EXOC6B: variants seen among roughly 807,000 people sequenced by gnomAD.
EXOC6B encodes exocyst complex component 6B.
In EXOC6B, 54 loss-of-function variants were observed where a neutral mutation model predicts 113.5. The observed-to-expected ratio is 0.48, with a 90% CI of 0.38 to 0.60. The LOEUF is 0.60. Among genes scored for constraint, EXOC6B ranks in the 20% least tolerant of loss-of-function variants. EXOC6B has a pLI of 0.00. For missense variants in EXOC6B, 797 were observed against 977.5 expected, an observed-to-expected ratio of 0.82 and a Z score of 2.46; for synonymous variants, 357 against 339.0, an observed-to-expected ratio of 1.05 and a Z score of -0.58.
In EXOC6B at chr2:72,179,306, G is replaced by A. The variant is rs1479134916; in HGVS notation, c.*29C>T. The stretch of plus-strand genomic sequence containing the variant: ...CCAGACTGACACAGAGGCTGCAGCA[G>A]GTCGCCTCTGTGGGTCCGGGGTCAC... On this transcript the variant is annotated 3_prime_UTR_variant, in exon 22 of 22. Transcript: ENST00000272427. The A allele has an allele frequency of 1.3e-6, 2 of 1,560,218 alleles. No homozygotes were observed. The highest frequency in any genetic ancestry group is 1.4e-5 in the African/African-American group (1 of 73,898).
At chr2:72,199,068 G>A (rs1679336397) in intron 20 of EXOC6B, among the ~76,000 whole-genome samples, 1 of 152,184 alleles carries the variant, frequency 6.6e-6, no homozygotes, top group Non-Finnish European at 1.5e-5. Flanking sequence ...GGAACCACAT[G>A]AAGAGAGAGT....
chr2:72,512,381 A>AAGGAAGGAAGGAAGGAAAGG (rs1700976276), intron 11 of EXOC6B, among the ~76,000 whole-genome samples: 1 of 111,248 alleles, frequency 9.0e-6, no homozygotes, highest in African/African-American at 3.5e-5. Context: ...GGAAGGAAGG[A>AAGGAAGGAAGGAAGGAAAGG]AGGAAGGAAG....
At chr2:72,456,990 A>G (rs2105380456) in intron 18 of EXOC6B, among the ~76,000 whole-genome samples, 1 of 151,830 alleles carries the variant, frequency 6.6e-6, no homozygotes, top group South Asian at 2.1e-4. Context: ...AAGCAGTAAA[A>G]GTAGACGAAA....
chr2:72,657,404 T>C (rs1034255927), intron 6 of EXOC6B, among the ~76,000 whole-genome samples: 2 of 150,956 alleles, frequency 1.3e-5, no homozygotes, highest in Admixed American at 1.3e-4. Flanking sequence ...ATATTTTTGT[T>C]TTTTTTAAGT....
At chr2:72,652,969 G>T (rs2104410620) in intron 6 of EXOC6B, among the ~76,000 whole-genome samples, 2 of 151,710 alleles carry the variant, frequency 1.3e-5, no homozygotes, top group South Asian at 4.2e-4. Context: ...AACATTGTGA[G>T]ACCTCAGTTA....
chr2:72,697,540 C>T (rs749760019), intron 6 of EXOC6B, among the ~76,000 whole-genome samples: 4 of 151,840 alleles, frequency 2.6e-5, no homozygotes, highest in East Asian at 1.9e-4. Flanking sequence ...AAAAATTAGC[C>T]GGGCATGGTG....
At chr2:72,412,956 C>CTCTT (rs147799343) in intron 18 of EXOC6B, among the ~76,000 whole-genome samples, 389 of 151,512 alleles carry the variant, frequency 2.6e-3, no homozygotes, top group African/African-American at 4.2e-3. Context: ...CTCTCCCTCT[C>CTCTT]TCTTTCTTTC....
At chr2:72,753,473 C>T (rs1203006436) in intron 1 of EXOC6B, among the ~76,000 whole-genome samples, 1 of 152,102 alleles carries the variant, frequency 6.6e-6, no homozygotes, top group Non-Finnish European at 1.5e-5. Context: ...TCCCTATTCT[C>T]CCCAGCTACT....
intron 20 of EXOC6B, among the ~76,000 whole-genome samples, chr2:72,252,924 A>G (rs957489546): frequency 4.0e-5 from 6 of 151,702 alleles, no homozygotes; most frequent in African/African-American, 1.4e-4. Flanking sequence ...TAGAAGCAAT[A>G]TGCTTCACTT....
rs1677914606 is a variant in EXOC6B, at chr2:72,179,020, A to G, written c.*315T>C. On this transcript the variant is annotated 3_prime_UTR_variant, in exon 22 of 22. Transcript: ENST00000272427. ...CCACTTTTTATGGTTCCTAAGCCCC[A>G]GACCTAAGCTTTAGAGCCATGGATG... is the stretch of plus-strand genomic sequence containing the variant. 2 of 252,344 alleles carry G rather than the reference A, an allele frequency of 7.9e-6. No homozygotes were observed. The highest frequency in any genetic ancestry group is 7.5e-6 in the Non-Finnish European group (1 of 133,086). The allele number at this position is 252,344 out of a possible 1,614,324, so 15.6% of individuals were successfully genotyped here.
At chr2:72,401,105 C>A (rs1275300755) in intron 18 of EXOC6B, among the ~76,000 whole-genome samples, 1 of 151,568 alleles carries the variant, frequency 6.6e-6, no homozygotes, top group Non-Finnish European at 1.5e-5. Context: ...AATATAGATA[C>A]AACATTTATG....
intron 6 of EXOC6B, among the ~76,000 whole-genome samples, chr2:72,601,806 G>A (rs933178114): frequency 2.0e-5 from 3 of 152,180 alleles, no homozygotes; most frequent in Admixed American, 2.0e-4. Context: ...TAAATAAACT[G>A]TGGTATATTC....
intron 20 of EXOC6B, among the ~76,000 whole-genome samples, chr2:72,254,123 G>A (rs1683198217): frequency 6.6e-6 from 1 of 151,934 alleles, no homozygotes; most frequent in East Asian, 1.9e-4. Context: ...TCACACCACT[G>A]CACTCCAGGC....
At position 72,560,891 on chromosome 2, in the gene EXOC6B, GA is replaced by G. The variant is rs545739586; in HGVS notation, c.847-1371del. ...GAGGTAATGAGCATTGCAAATTACT[GA>G]AAAAAAATATGGAGAGATGTGCAGC... is the stretch of plus-strand genomic sequence containing the variant. On this transcript the variant is annotated intron_variant, in intron 7 of 21. Transcript: ENST00000272427. 4.0e-4 allele frequency among the ~76,000 whole-genome samples: 60 copies of G among 150,048 alleles called. 1 individual carries two copies. Among genetic ancestry groups the G allele is most frequent in the Non-Finnish European group, 8.0e-4 (54 of 67,490 alleles).
intron 18 of EXOC6B, 95 bp downstream of exon 18, chr2:72,465,065 T>A: frequency 2.0e-6 from 2 of 1,012,686 alleles, no homozygotes; most frequent in Non-Finnish European, 3.0e-6. Context: ...AAAATCTTCC[T>A]GGGTAGTTAC....
intron 2 of EXOC6B, among the ~76,000 whole-genome samples, chr2:72,740,427 A>G (rs1316976992): frequency 6.6e-6 from 1 of 152,256 alleles, no homozygotes; most frequent in Non-Finnish European, 1.5e-5. Flanking sequence ...TAGAAATAAC[A>G]GAAGAGCTTA....
intron 1 of EXOC6B, among the ~76,000 whole-genome samples, chr2:72,792,009 AT>A (rs1030233072): frequency 6.6e-6 from 1 of 152,194 alleles, no homozygotes. Flanking sequence ...AATAAAATGG[AT>A]TAGTTCAACC....
intron 17 of EXOC6B, among the ~76,000 whole-genome samples, chr2:72,478,592 C>T (rs550302653): frequency 2.0e-5 from 3 of 152,342 alleles, no homozygotes; most frequent in East Asian, 3.9e-4. Context: ...CAGAACTTCT[C>T]CTTCACTAAG....
At chr2:72,752,270 AC>A (rs1391180619) in intron 1 of EXOC6B, among the ~76,000 whole-genome samples, 1 of 152,084 alleles carries the variant, frequency 6.6e-6, no homozygotes. Context: ...ATCTCTGTCT[AC>A]CCTGATATTT....
Sources: gnomAD v4.1 joint callset for allele counts (sites outside exome capture counted in the v4.1 genomes callset) on GRCh38, gnomAD v4.1.1 for gene constraint, MANE v1.5 for transcripts, NCBI Gene and HGNC (gene_info 2026-07-23, HGNC 2026-07-21) for gene names.